The following SAMD3 variants were observed in gnomAD, a reference collection of about 807,000 sequenced individuals.
SAMD3 encodes the protein sterile alpha motif domain containing 3.
Under a neutral mutation model 58.5 loss-of-function variants are expected in SAMD3, and 63 were observed. The ratio of observed to expected loss-of-function variants is 1.08; its 90% CI spans 0.88 to 1.33. The LOEUF is 1.33. SAMD3 is among the 40% of genes most tolerant of loss of function. SAMD3 has a pLI of 0.00. For synonymous variants in SAMD3, 220 were observed against 210.3 expected (o/e 1.05, Z -0.40); for missense variants, 604 against 608.4 (o/e 0.99, Z 0.08).
chr6:130,161,857 T>A (rs1790308400), intron 8 of SAMD3: 1 of 161,664 alleles, frequency 6.2e-6, no homozygotes, highest in Admixed American at 6.4e-5. Context: ...AACTAGTGAG[T>A]AAGAAATGTC....
chr6:130,161,828 G>C (rs138936815), intron 8 of SAMD3: 182 of 155,056 alleles, frequency 1.2e-3, no homozygotes, highest in African/African-American at 4.3e-3. Flanking sequence ...TTCTTTAACA[G>C]TGCACGTTGA....
At chr6:130,260,142 C>G (rs1430917182) in intron 2 of SAMD3, among the ~76,000 whole-genome samples, 1 of 151,838 alleles carries the variant, frequency 6.6e-6, no homozygotes, top group Admixed American at 6.6e-5. Context: ...AGAGACAGAC[C>G]CTCTCATATT....
At chr6:130,238,886 G>A (rs1449248725) in intron 2 of SAMD3, among the ~76,000 whole-genome samples, 1 of 152,130 alleles carries the variant, frequency 6.6e-6, no homozygotes, top group African/African-American at 2.4e-5. Flanking sequence ...AGCCTCCCGA[G>A]TAGCTGGGAT....
At chr6:130,149,775 C>T (rs1027762834) in intron 9 of SAMD3, among the ~76,000 whole-genome samples, 8 of 152,174 alleles carry the variant, frequency 5.3e-5, no homozygotes, top group African/African-American at 1.9e-4. Context: ...TGCCCGCTAC[C>T]TGGGTGATGA....
At chr6:130,312,904 C>T (rs1776227777) in intron 2 of SAMD3, 1 of 152,070 alleles carries the variant, frequency 6.6e-6, no homozygotes, top group South Asian at 2.1e-4. Context: ...TTTTAAGAGT[C>T]ATTTATTAAC....
chr6:130,227,798 A>G (rs1417535754), upstream of SAMD3, among the ~76,000 whole-genome samples: 1 of 151,840 alleles, frequency 6.6e-6, no homozygotes, highest in Non-Finnish European at 1.5e-5. Flanking sequence ...CAAAAAAAAA[A>G]AAAAGAAAAG....
intron 5 of SAMD3, among the ~76,000 whole-genome samples, chr6:130,187,724 G>A (rs1437560743): frequency 6.6e-6 from 1 of 152,092 alleles, no homozygotes; most frequent in East Asian, 1.9e-4. Context: ...CTAGAATTGG[G>A]CAGAACACCA....
At chr6:130,353,428 T>C (rs1490257184) in intron 1 of SAMD3, among the ~76,000 whole-genome samples, 3 of 152,234 alleles carry the variant, frequency 2.0e-5, no homozygotes, top group African/African-American at 7.2e-5. Context: ...TTAATTTTTG[T>C]ATTTTATATT....
At chr6:130,272,468 C>A (rs1438304973) in intron 2 of SAMD3, among the ~76,000 whole-genome samples, 1 of 152,110 alleles carries the variant, frequency 6.6e-6, no homozygotes, top group Non-Finnish European at 1.5e-5. Context: ...TAAACAGCCA[C>A]CTCCCCCAAA....
chr6:130,347,091 A>C (rs1777479204), intron 1 of SAMD3, among the ~76,000 whole-genome samples: 1 of 152,230 alleles, frequency 6.6e-6, no homozygotes, highest in Non-Finnish European at 1.5e-5. Context: ...CGTCACTATC[A>C]TCAAAGACCA....
In SAMD3 at chr6:130,154,843, GA is replaced by G; in HGVS notation, c.1004del (p.Phe335SerfsTer2). On this transcript the variant is annotated frameshift_variant, in exon 9 of 12. Transcript: ENST00000439090. LOFTEE classifies it high-confidence loss of function. ...PLKDILKLFP[F>X]LKCPYQMFRE... Reference sequence around the variant, plus strand: ...AAGATACCTGATAAGGGCACTTCAAGAAAGGAAACAGTTTAAGAATGTCCTT... The same window carrying G: ...AAGATACCTGATAAGGGCACTTCAAGAAGGAAACAGTTTAAGAATGTCCTT... 1 of 1,611,334 alleles carries G rather than the reference GA, an allele frequency of 6.2e-7. No individual in the cohort carries two copies. Among genetic ancestry groups the G allele is most frequent in the African/African-American group, 1.3e-5 (1 of 74,394 alleles).
chr6:130,298,722 G>A (rs893503712), intron 2 of SAMD3, among the ~76,000 whole-genome samples: 3 of 152,048 alleles, frequency 2.0e-5, no homozygotes, highest in Non-Finnish European at 2.9e-5. Flanking sequence ...AGCTTCCACC[G>A]CCTTCAAGAG....
At position 130,184,137 on chromosome 6, in the gene SAMD3, G is replaced by GCC. The variant is rs887754760; in HGVS notation, c.618_619dup (p.Ala207GlyfsTer31). On this transcript the variant is annotated frameshift_variant, in exon 7 of 12. Coordinates refer to ENST00000439090, the MANE Select transcript of SAMD3 (RefSeq NM_001017373.4). LOFTEE classifies it high-confidence loss of function. Reference sequence around the variant, plus strand: ...GCCATCCTCATCCAGGAAAGGGTGGGCCTGCAGCAGGGCATTAACCACGTC... The same window carrying GCC: ...GCCATCCTCATCCAGGAAAGGGTGGGCCCCTGCAGCAGGGCATTAACCACGTC... The GCC allele has an allele frequency of 6.2e-7, 1 of 1,614,060 alleles. No individual in the cohort carries two copies. Among genetic ancestry groups the GCC allele is most frequent in the Non-Finnish European group, 8.5e-7 (1 of 1,179,962 alleles).
At chr6:130,210,336 C>A (rs117270899) in intron 4 of SAMD3, among the ~76,000 whole-genome samples, 2,072 of 152,294 alleles carry the variant, frequency 0.014, 18 homozygotes, top group Non-Finnish European at 0.021. Context: ...GGTGGCTCAA[C>A]ATCTGTAATC....
At chr6:130,259,623 C>A (rs1203215364) in intron 2 of SAMD3, among the ~76,000 whole-genome samples, 1 of 152,138 alleles carries the variant, frequency 6.6e-6, no homozygotes, top group Non-Finnish European at 1.5e-5. Flanking sequence ...GGCCCTTTAC[C>A]ATTGTCTCAG....
At chr6:130,183,435 AG>A (rs1792597761) in intron 7 of SAMD3, 1 of 449,858 alleles carries the variant, frequency 2.2e-6, no homozygotes, top group Admixed American at 2.4e-5. Context: ...TGACAGGGCC[AG>A]GTAAGGCTGG....
Position 130,270,105 on chromosome 6 carries a change from A to G in SAMD3, c.-188+42873T>C, listed in dbSNP as rs370926767. ...GGCTGTGGAAATTCTTTTTTGAGAC[A>G]GAGTGTGACAGTGTGTCACTCTGTT... On this transcript the variant is annotated intron_variant, in intron 2 of 13. Coordinates refer to the SAMD3 transcript ENST00000368134. 1.4e-4 allele frequency among the ~76,000 whole-genome samples: 22 copies of G among 152,220 alleles called. 1 individual carries two copies. The East Asian group carries it at 3.9e-3, about 27-fold the overall frequency.
chr6:130,220,910 G>A (rs1194039197), intron 1 of SAMD3, among the ~76,000 whole-genome samples: 1 of 151,880 alleles, frequency 6.6e-6, no homozygotes, highest in Non-Finnish European at 1.5e-5. Flanking sequence ...CTGGAGTGCA[G>A]TGGCACGATC....
intron 2 of SAMD3, among the ~76,000 whole-genome samples, chr6:130,241,855 A>G (rs901833256): frequency 6.7e-6 from 1 of 149,482 alleles, no homozygotes; most frequent in Non-Finnish European, 1.5e-5. Flanking sequence ...CATACCTGGG[A>G]AAAAACAGCC....
Sources: allele counts gnomAD v4.1 joint callset (sites outside exome capture counted in the v4.1 genomes callset), GRCh38; gene constraint gnomAD v4.1.1; transcripts MANE v1.5; gene names NCBI Gene and HGNC (gene_info 2026-07-23, HGNC 2026-07-21).